The following GARNL3 variants were observed in gnomAD, a reference collection of about 807,000 sequenced individuals.
GARNL3 encodes the protein GTPase activating Rap/RanGAP domain like 3, also known as GTPase-activating Rap/Ran-GAP domain-like protein 3.
A neutral mutation model predicts 125.0 loss-of-function variants in GARNL3; 63 were observed. That is an observed-to-expected ratio of 0.50 (90% confidence interval 0.41 to 0.62). The LOEUF (loss-of-function observed/expected upper bound fraction) is 0.62, where lower values mean the gene tolerates loss of function less well. Ranked by LOEUF, GARNL3 falls within the 20% of genes least tolerant of loss-of-function variation. GARNL3 has a pLI of 0.00. For synonymous variants in GARNL3, 439 were observed against 457.5 expected (o/e 0.96, Z 0.52); for missense variants, 994 against 1,244.0 (o/e 0.80, Z 3.02).
At chr9:127,318,266 ATGACG>A (rs2065295574) in intron 5 of GARNL3, 139 bp downstream of exon 5, 2 of 685,766 alleles carry the variant, frequency 2.9e-6, no homozygotes, top group Admixed American at 2.1e-5. Context: ...AGCACTTGAC[ATGACG>A]TGCATCACCT....
At chr9:127,299,067 A>C (rs1197401897) in intron 2 of GARNL3, among the ~76,000 whole-genome samples, 1 of 152,204 alleles carries the variant, frequency 6.6e-6, no homozygotes, top group East Asian at 1.9e-4. Context: ...CTATAATCCC[A>C]GCACTTTAGG....
chr9:127,244,238 C>T (rs538673835), intron 2 of GARNL3, among the ~76,000 whole-genome samples: 3 of 152,206 alleles, frequency 2.0e-5, no homozygotes, highest in South Asian at 4.1e-4. Flanking sequence ...GGAGAAGCAG[C>T]GTGAATAACG....
At chr9:127,335,641 CT>C (rs59829584) in intron 10 of GARNL3, among the ~76,000 whole-genome samples, 1 of 151,244 alleles carries the variant, frequency 6.6e-6, no homozygotes, top group African/African-American at 2.4e-5. Context: ...TTGTCTCTCT[CT>C]TTTTTTTTAA....
At chr9:127,279,947 T>C (rs1024311882) in intron 1 of GARNL3, among the ~76,000 whole-genome samples, 3 of 152,194 alleles carry the variant, frequency 2.0e-5, no homozygotes, top group African/African-American at 7.2e-5. Context: ...AGGGTCTAGT[T>C]GGTGTTTATC....
intron 17 of GARNL3, 45 bp from the exon 18 acceptor site, chr9:127,353,801 C>A: frequency 7.7e-7 from 1 of 1,302,614 alleles, no homozygotes; most frequent in Non-Finnish European, 1.1e-6. Context: ...TTCTGGAAAG[C>A]GTGGGCTGGG....
At position 127,311,668 on chromosome 9, in the gene GARNL3, A is replaced by G; in HGVS notation, c.252A>G (p.Arg84=). Residue 84 remains arginine (R), a synonymous_variant, in exon 3 of 28, where the codon AGA becomes AGG. Transcript: ENST00000373387. ...NATALPGTWR[R]TDVHLENPEY... ...CTGCCCTGCCTGGTACTTGGCGAAG[A>G]ACAGACGTGCACTTAGAGAACCCAG... is the stretch of plus-strand genomic sequence containing the variant. The G allele has an allele frequency of 1.2e-6, 2 of 1,614,058 alleles. No homozygotes were observed. The highest frequency in any genetic ancestry group is 1.7e-6 in the Non-Finnish European group (2 of 1,179,908).
chr9:127,273,360 C>T (rs911745512), intron 1 of GARNL3, among the ~76,000 whole-genome samples: 7 of 152,246 alleles, frequency 4.6e-5, no homozygotes, highest in African/African-American at 9.6e-5. Flanking sequence ...GAACAAATAC[C>T]GCTGTCCTTA....
intron 2 of GARNL3, among the ~76,000 whole-genome samples, chr9:127,251,666 A>C (rs1364527755): frequency 3.3e-5 from 5 of 152,200 alleles, no homozygotes; most frequent in Non-Finnish European, 2.9e-5. Context: ...GGCAAAATTC[A>C]TGTCAGTTCC....
intron 25 of GARNL3, 161 bp from the exon 26 acceptor site, chr9:127,388,743 C>A: frequency 1.6e-6 from 1 of 610,600 alleles, no homozygotes; most frequent in East Asian, 2.7e-5. Flanking sequence ...CAGGCACCCT[C>A]AAATCAGTGC....
chr9:127,354,845 T>A (rs563641523), intron 19 of GARNL3, among the ~76,000 whole-genome samples: 173 of 152,258 alleles, frequency 1.1e-3, no homozygotes, highest in African/African-American at 4.1e-3. Flanking sequence ...CAGGCTGGAG[T>A]GCAGTGGCAC....
At chr9:127,295,937 A>AGTGGGAG in intron 2 of GARNL3, among the ~76,000 whole-genome samples, 1 of 152,130 alleles carries the variant, frequency 6.6e-6, no homozygotes, top group Non-Finnish European at 1.5e-5. Context: ...ACTACTCATC[A>AGTGGGAG]TAAGGTAGAA....
intron 7 of GARNL3, among the ~76,000 whole-genome samples, chr9:127,330,159 C>T (rs1829143622): frequency 6.6e-6 from 1 of 152,228 alleles, no homozygotes. Flanking sequence ...TCAGGTGATT[C>T]TGATGCCTAG....
intron 1 of GARNL3, among the ~76,000 whole-genome samples, chr9:127,285,880 G>A (rs1289378978): frequency 5.9e-5 from 9 of 151,736 alleles, no homozygotes; most frequent in Admixed American, 5.2e-4. Flanking sequence ...TTGCTTTATT[G>A]TATTTAATAT....
rs187854073 is a variant in GARNL3, at chr9:127,266,167, G to A, written c.144+1146G>A. Among the ~76,000 whole-genome samples the A allele has an allele frequency of 5.5e-4, 83 of 152,234 alleles. No individual in the cohort carries two copies. Among genetic ancestry groups the A allele is most frequent in the Admixed American group, 1.4e-3 (22 of 15,302 alleles). Reference sequence around the variant, plus strand: ...CCTCCCCTGAAGGAGCAGGTGCATAGCTATAAGTCAGAGTAGGAATTGGTA... The same window carrying A: ...CCTCCCCTGAAGGAGCAGGTGCATAACTATAAGTCAGAGTAGGAATTGGTA... On this transcript the variant is annotated intron_variant, in intron 1 of 27. Coordinates refer to ENST00000373387, the MANE Select transcript of GARNL3 (RefSeq NM_032293.5). This position sits in a 1 kb window ranked among gnomAD's most constrained non-coding sequence, Gnocchi z 4.0.
chr9:127,336,244 G>T lies in GARNL3; in HGVS notation c.982+8G>T. 2 of 1,599,638 alleles carry T rather than the reference G, an allele frequency of 1.3e-6. No individual in the cohort carries two copies. Among genetic ancestry groups the T allele is most frequent in the Non-Finnish European group, 1.7e-6 (2 of 1,167,600 alleles). On this transcript the variant is annotated splice_region_variant and intron_variant, in intron 11 of 27. Transcript: ENST00000373387. ...TCCGCTCCCACTTTACACGTATCCT[G>T]GGCCTTTGTAAATGCTCCAGTGTGG...
chr9:127,388,961 G>A lies in GARNL3; in HGVS notation c.2585G>A (p.Ser862Asn). 4 of 1,613,766 alleles carry A rather than the reference G, an allele frequency of 2.5e-6. No homozygotes were observed. The highest frequency in any genetic ancestry group is 3.4e-6 in the Non-Finnish European group (4 of 1,179,620). Residue 862 changes from serine (S) to asparagine (N), a missense_variant, in exon 26 of 28, where the codon AGC (serine) becomes AAC (asparagine). Coordinates refer to ENST00000373387, the MANE Select transcript of GARNL3 (RefSeq NM_032293.5). Reference protein sequence around the residue: ...KIPLRNLVGRSIERPLKSPLV... With the variant: ...KIPLRNLVGRNIERPLKSPLV... ...CCACTTAGAAACCTCGTGGGCAGAA[G>A]CATCGAACGACCTCTGAAGTCACCC...
chr9:127,224,910 C>CG (rs925033684), intron 1 of GARNL3, among the ~76,000 whole-genome samples: 7 of 7,678 alleles, frequency 9.1e-4, no homozygotes, highest in East Asian at 6.2e-3. Context: ...GAGCGCGGGG[C>CG]GGGGCGTGGG....
chr9:127,367,367 G>A (rs918265949), intron 22 of GARNL3: 2 of 152,066 alleles, frequency 1.3e-5, no homozygotes, highest in Non-Finnish European at 2.9e-5. Context: ...GTTTTTTTCT[G>A]TATTAAAAAT....
At chr9:127,307,780 A>G (rs2064996467) in intron 2 of GARNL3, among the ~76,000 whole-genome samples, 1 of 152,150 alleles carries the variant, frequency 6.6e-6, no homozygotes, top group Admixed American at 6.5e-5. Flanking sequence ...TTAATGTGTC[A>G]AGTAAATAAA....
Sources: gnomAD v4.1 joint callset for allele counts (sites outside exome capture counted in the v4.1 genomes callset) on GRCh38, gnomAD v4.1.1 for gene constraint, Gnocchi (gnomAD v3.1) non-coding constraint, MANE v1.5 for transcripts, NCBI Gene and HGNC (gene_info 2026-07-23, HGNC 2026-07-21) for gene names.